The following VAV2 variants were observed in gnomAD, a reference collection of about 807,000 sequenced individuals.
VAV2 encodes the protein guanine nucleotide exchange factor VAV2.
Under a neutral mutation model 132.5 loss-of-function variants are expected in VAV2, and 67 were observed. That is an observed-to-expected ratio of 0.51 (90% CI 0.42 to 0.62). VAV2 has a LOEUF of 0.62. Among genes scored for constraint, VAV2 ranks in the 20% least tolerant of loss-of-function variants. The pLI, the probability that VAV2 is intolerant of heterozygous loss-of-function variation, is 0.00. For missense variants in VAV2, 938 were observed against 1,153.6 expected, an observed-to-expected ratio of 0.81 and a Z score of 2.71; for synonymous variants, 492 against 443.5, an observed-to-expected ratio of 1.11 and a Z score of -1.37.
At chr9:133,848,326 C>T (rs539360408) in intron 3 of VAV2, among the ~76,000 whole-genome samples, 3 of 138,440 alleles carry the variant, frequency 2.2e-5, no homozygotes, top group East Asian at 2.1e-4. Context: ...GAAGATGAAA[C>T]GAAACAGTAT....
intron 3 of VAV2, among the ~76,000 whole-genome samples, chr9:133,850,044 T>G (rs938897399): frequency 6.6e-5 from 10 of 152,226 alleles, no homozygotes; most frequent in African/African-American, 2.4e-4. Flanking sequence ...GGGACCCGGA[T>G]GCATGGTCCT....
intron 2 of VAV2, among the ~76,000 whole-genome samples, chr9:133,921,479 C>G (rs1840295405): frequency 6.6e-6 from 1 of 152,116 alleles, no homozygotes; most frequent in Admixed American, 6.5e-5. Context: ...TTTTCAAAAA[C>G]AGTAATAAAA....
At position 133,919,003 on chromosome 9, in the gene VAV2, G is replaced by T. The variant is rs1204546494; in HGVS notation, c.321+20100C>A. ...TTGTCCAGGCTGGTCTCGAACTCCT[G>T]ACCTTGTGATCCTCCCACCTCGGCC... is the stretch of plus-strand genomic sequence containing the variant. On this transcript the variant is annotated intron_variant, in intron 2 of 29. Coordinates refer to ENST00000371850, the MANE Select transcript of VAV2 (RefSeq NM_001134398.2). The surrounding 1 kb of genome is among the most constrained non-coding windows in gnomAD (Gnocchi z 5.8). 6.6e-6 allele frequency among the ~76,000 whole-genome samples: 1 copy of T among 152,098 alleles called. No homozygotes were observed. Among genetic ancestry groups the T allele is most frequent in the African/African-American group, 2.4e-5 (1 of 41,414 alleles).
chr9:133,911,915 T>A (rs1474632889), intron 2 of VAV2, among the ~76,000 whole-genome samples: 1 of 152,142 alleles, frequency 6.6e-6, no homozygotes, highest in Non-Finnish European at 1.5e-5. Context: ...AGAAAGTAAG[T>A]CAGATTTTCT....
chr9:133,770,975 T>C (rs1395155761), intron 26 of VAV2, among the ~76,000 whole-genome samples: 1 of 152,070 alleles, frequency 6.6e-6, no homozygotes, highest in Admixed American at 6.6e-5. Context: ...CCAAGCTGTG[T>C]GTAGAGAGGT....
chr9:133,887,745 G>C (rs557902011), intron 2 of VAV2, among the ~76,000 whole-genome samples: 36 of 152,072 alleles, frequency 2.4e-4, no homozygotes, highest in African/African-American at 8.5e-4. Context: ...AGCCTGACAC[G>C]GCGATCAGCG....
At chr9:133,925,117 C>T (rs1168210621) in intron 2 of VAV2, among the ~76,000 whole-genome samples, 3 of 152,246 alleles carry the variant, frequency 2.0e-5, no homozygotes, top group African/African-American at 7.2e-5. Context: ...AATTCCAGAA[C>T]AAGACAGAGG....
In VAV2 at chr9:133,766,759, AATATATATATAT is replaced by A. The variant is rs373267933; in HGVS notation, c.2589+1671_2589+1682del. Among the ~76,000 whole-genome samples the A allele has an allele frequency of 8.6e-4, 96 of 112,114 alleles. 1 individual carries two copies. The highest frequency in any genetic ancestry group is 2.7e-3 in the Admixed American group (30 of 11,168). The allele number at this position is 112,114 out of a possible 152,430, so 73.6% of individuals were successfully genotyped here. ...TACCCTAGAACTTAAAGTATAAATA[AATATATATATAT>A]ATATATATATATATATCCCAAAAAC... On this transcript the variant is annotated intron_variant, in intron 29 of 29. Coordinates refer to ENST00000371850, the MANE Select transcript of VAV2 (RefSeq NM_001134398.2).
chr9:133,964,846 G>C (rs1437028992), intron 1 of VAV2, among the ~76,000 whole-genome samples: 2 of 152,162 alleles, frequency 1.3e-5, no homozygotes, highest in Non-Finnish European at 2.9e-5. Flanking sequence ...TCATACATGA[G>C]AAACCCATAG....
Position 133,779,953 on chromosome 9 carries a change from G to T in VAV2, c.1741-14C>A, listed in dbSNP as rs112783794. On this transcript the variant is annotated splice_polypyrimidine_tract_variant and intron_variant, in intron 20 of 29. Transcript: ENST00000371850. ...TCCGGAGGCGTCCTGTGAGGACAAG[G>T]ACAGAACACAGAGATGAGGGAAGGC... 24 of 1,612,540 alleles carry T rather than the reference G, an allele frequency of 1.5e-5. No homozygotes were observed. In the African/African-American group the frequency reaches 2.5e-4, roughly 17 times the overall value.
intron 3 of VAV2, among the ~76,000 whole-genome samples, chr9:133,835,251 C>CA (rs1335269771): frequency 1.3e-5 from 2 of 152,128 alleles, no homozygotes; most frequent in Non-Finnish European, 2.9e-5. Context: ...CCCCAGGACC[C>CA]AAAACATCAC....
chr9:133,973,992 G>A (rs532473574), intron 1 of VAV2, among the ~76,000 whole-genome samples: 1 of 152,278 alleles, frequency 6.6e-6, no homozygotes, highest in African/African-American at 2.4e-5. Flanking sequence ...AGGCCAGGAA[G>A]GTGGGGGCTG....
chr9:133,793,895 C>A (rs1390702273), intron 12 of VAV2, among the ~76,000 whole-genome samples: 1 of 152,164 alleles, frequency 6.6e-6, no homozygotes, highest in Non-Finnish European at 1.5e-5. Context: ...GCATGAATGA[C>A]TTCCTATATA....
intron 2 of VAV2, among the ~76,000 whole-genome samples, chr9:133,866,767 C>T (rs1347824271): frequency 6.7e-6 from 1 of 149,156 alleles, no homozygotes; most frequent in East Asian, 2.0e-4. Context: ...GATTGCACCA[C>T]TGCACTCCAA....
chr9:133,782,320 G>A (rs1361284788), intron 19 of VAV2, among the ~76,000 whole-genome samples: 1 of 151,822 alleles, frequency 6.6e-6, no homozygotes, highest in African/African-American at 2.4e-5. Context: ...GCCATCGTCT[G>A]GGGACATGCG....
At position 133,905,450 on chromosome 9, in the gene VAV2, A is replaced by AAAAAAAG. The variant is rs1554805369; in HGVS notation, c.321+33652_321+33653insCTTTTTT. On this transcript the variant is annotated intron_variant, in intron 2 of 29. Coordinates refer to ENST00000371850, the MANE Select transcript of VAV2 (RefSeq NM_001134398.2). Reference sequence around the variant, plus strand: ...AACTGTCTCAAAAAAAAAAAAAAAAAGAAACAAAAGAAGAAGAACAGCAGC... The same window carrying AAAAAAAG: ...AACTGTCTCAAAAAAAAAAAAAAAAAAAAAAAGGAAACAAAAGAAGAAGAACAGCAGC... Among the ~76,000 whole-genome samples the AAAAAAAG allele has an allele frequency of 2.8e-3, 401 of 144,868 alleles. 1 individual carries two copies. The highest frequency in any genetic ancestry group is 9.8e-3 in the African/African-American group (390 of 39,634).
At chr9:133,936,761 T>C (rs927998648) in intron 2 of VAV2, among the ~76,000 whole-genome samples, 2 of 152,234 alleles carry the variant, frequency 1.3e-5, no homozygotes, top group African/African-American at 2.4e-5. Flanking sequence ...CCCCACACCA[T>C]GACTCATGGT....
At chr9:133,891,131 G>A (rs925606610) in intron 2 of VAV2, among the ~76,000 whole-genome samples, 12 of 150,730 alleles carry the variant, frequency 8.0e-5, no homozygotes, top group Non-Finnish European at 1.8e-4. Flanking sequence ...TGCTCAAGGT[G>A]CTCAGCAAGC....
chr9:133,778,706 G>T (rs775643418), intron 22 of VAV2, 56 bp downstream of exon 22: 6 of 1,598,340 alleles, frequency 3.8e-6, no homozygotes, highest in Non-Finnish European at 5.1e-6. Flanking sequence ...CTGCCCCAGG[G>T]AGCAGGGAGG....
Sources: gnomAD v4.1 joint callset for allele counts (sites outside exome capture counted in the v4.1 genomes callset) on GRCh38, gnomAD v4.1.1 for gene constraint, Gnocchi (gnomAD v3.1) non-coding constraint, MANE v1.5 for transcripts, NCBI Gene and HGNC (gene_info 2026-07-23, HGNC 2026-07-21) for gene names.